Variants in SYNE2 observed in about 807,000 individuals in gnomAD.
The protein encoded by SYNE2 is spectrin repeat containing nuclear envelope protein 2, also known as nesprin-2.
Under a neutral mutation model 856.3 loss-of-function variants are expected in SYNE2, and 431 were observed. That is an observed-to-expected ratio of 0.50 (90% CI 0.47 to 0.55). The LOEUF is 0.55. SYNE2 is among the 20% of genes least tolerant of loss of function. The pLI, the probability that SYNE2 is intolerant of heterozygous loss-of-function variation, is 0.00. For synonymous variants in SYNE2, 2,923 were observed against 2,872.3 expected, an observed-to-expected ratio of 1.02 and a Z score of -0.56; for missense variants, 8,129 against 8,023.2, an observed-to-expected ratio of 1.01 and a Z score of -0.50.
At chr14:64,025,973 G>A (rs2096975123) in intron 41 of SYNE2, among the ~76,000 whole-genome samples, 1 of 151,834 alleles carries the variant, frequency 6.6e-6, no homozygotes, top group Non-Finnish European at 1.5e-5. Flanking sequence ...AAAATACAGG[G>A]GACAGAAGCA....
rs1312166837 is a variant in SYNE2, at chr14:64,120,955, A to G, written c.13052A>G (p.Glu4351Gly). The change falls in exon 68 of 116, where the codon GAG becomes GGG. Residue 4351 changes from glutamate to glycine, a missense_variant. Glu to Gly is a moderately conservative substitution (Grantham distance 98). This residue lies in a region of SYNE2 where 5,410 missense variants were observed against 5,284.8 expected (regional missense o/e 1.02). Transcript: ENST00000555002. ...CCTACCATTCTAAAGAAATCCTCAG[A>G]GCCAGAGCATCAAGAAGCTCTCCAA... ...QHPTILKKSSEPEHQEALQPV... is the reference protein window; with the variant it reads ...QHPTILKKSSGPEHQEALQPV... The G allele has an allele frequency of 6.2e-7, 1 of 1,614,166 alleles. No homozygotes were observed. Among genetic ancestry groups the G allele is most frequent in the Admixed American group, 1.7e-5 (1 of 60,014 alleles).
intron 7 of SYNE2, among the ~76,000 whole-genome samples, chr14:63,953,259 C>T (rs2096192069): frequency 6.6e-6 from 1 of 152,114 alleles, no homozygotes; most frequent in South Asian, 2.1e-4. Context: ...GGTGGTAAGG[C>T]AGGGCTTTGC....
At chr14:64,190,263 C>T (rs373229854) in intron 99 of SYNE2, 26 bp downstream of exon 99, 18 of 1,613,606 alleles carry the variant, frequency 1.1e-5, no homozygotes, top group African/African-American at 2.7e-5. Context: ...AAAATGATTA[C>T]TCTCCAGGAA....
In SYNE2 at chr14:64,175,008, A is replaced by T; in HGVS notation, c.17300A>T (p.Lys5767Met). Residue 5767 changes from lysine (K) to methionine (M), a missense_variant, in exon 95 of 116, where the codon AAG becomes ATG. By Grantham distance (95) the Lys-to-Met change is moderately conservative. Coordinates refer to ENST00000555002, the MANE Select transcript of SYNE2 (RefSeq NM_182914.3). ...TCALTLEAGE[K>M]LLLTTDLKTK... The stretch of plus-strand genomic sequence containing the variant: ...GCCCTAACCTTGGAAGCTGGAGAAA[A>T]GTTACTGCTCACAACTGACCTGAAA... The T allele has an allele frequency of 6.2e-7, 1 of 1,614,172 alleles. No homozygotes were observed. Among genetic ancestry groups the T allele is most frequent in the Non-Finnish European group, 8.5e-7 (1 of 1,180,028 alleles).
At chr14:63,942,958 A>G (rs1182777953) in intron 6 of SYNE2, among the ~76,000 whole-genome samples, 1 of 152,220 alleles carries the variant, frequency 6.6e-6, no homozygotes, top group African/African-American at 2.4e-5. Context: ...TGAAAGTTGA[A>G]TGCTGAATTA....
At position 64,134,091 on chromosome 14, in the gene SYNE2, A is replaced by G; in HGVS notation, c.14537A>G (p.Asn4846Ser). 1 of 1,614,110 alleles carries G rather than the reference A, an allele frequency of 6.2e-7. No homozygotes were observed. The highest frequency in any genetic ancestry group is 8.5e-7 in the Non-Finnish European group (1 of 1,179,986). ...TAGAAATGGGAAGAATTTGATGAAAACTATGCATCTCTTGAAAAGGACCTG... is the reference window on the plus strand; with the variant it reads ...TAGAAATGGGAAGAATTTGATGAAAGCTATGCATCTCTTGAAAAGGACCTG... ...LLQKWEEFDE[N>S]YASLEKDLEI... is the part of the protein sequence containing the mutation. The change falls in exon 78 of 116, where the codon AAC becomes AGC. Residue 4846 changes from asparagine (N) to serine (S), a missense_variant. By Grantham distance (46) the Asn-to-Ser change is conservative (BLOSUM62 1). Coordinates refer to ENST00000555002, the MANE Select transcript of SYNE2 (RefSeq NM_182914.3).
chr14:64,213,721 A>T (rs2098653044), intron 105 of SYNE2, among the ~76,000 whole-genome samples: 1 of 152,132 alleles, frequency 6.6e-6, no homozygotes, highest in East Asian at 1.9e-4. Flanking sequence ...ACTGAAAGAG[A>T]CGTTATGACA....
At chr14:63,808,926 G>A (rs1888497317) in intron 1 of SYNE2, among the ~76,000 whole-genome samples, 1 of 152,140 alleles carries the variant, frequency 6.6e-6, no homozygotes, top group African/African-American at 2.4e-5. Context: ...GGGAGGCTGA[G>A]GCAGGAGAAT....
chr14:64,158,382 A>C (rs1181728994), intron 85 of SYNE2, among the ~76,000 whole-genome samples: 2 of 152,162 alleles, frequency 1.3e-5, no homozygotes, highest in South Asian at 4.1e-4. Flanking sequence ...GTCTCTTCCT[A>C]GTCTGAACTC....
In SYNE2 at chr14:64,146,076, T is replaced by C; in HGVS notation, c.15492T>C (p.His5164=). Reference sequence around the variant, plus strand: ...TCTTTACATTCACTTAGATACAACATTTAGAACAACTTCTAGAAAGTATCA... The same window carrying C: ...TCTTTACATTCACTTAGATACAACACTTAGAACAACTTCTAGAAAGTATCA... ...VHGMLNRKIQ[H]LEQLLESITE... The change falls in exon 84 of 116, where the codon CAT becomes CAC. Residue 5164 remains histidine (H), a synonymous_variant. Transcript: ENST00000555002. 1 of 1,580,000 alleles carries C rather than the reference T, an allele frequency of 6.3e-7. No individual in the cohort carries two copies. The highest frequency in any genetic ancestry group is 8.6e-7 in the Non-Finnish European group (1 of 1,157,280).
chr14:64,152,517 GT>G (rs1378146213), intron 84 of SYNE2, 46 bp from the exon 85 acceptor site: 1 of 1,601,470 alleles, frequency 6.2e-7, no homozygotes, highest in Admixed American at 1.7e-5. Context: ...CTTATTAATT[GT>G]TTTGTAATAT....
intron 2 of SYNE2, among the ~76,000 whole-genome samples, chr14:63,930,285 C>CAAA (rs1328534376): frequency 1.5e-5 from 1 of 65,148 alleles, no homozygotes. Flanking sequence ...GACCCTGTCT[C>CAAA]AAAAAAAAAA....
chr14:64,057,073 T>G (rs2097276753), intron 49 of SYNE2, among the ~76,000 whole-genome samples: 1 of 152,204 alleles, frequency 6.6e-6, no homozygotes, highest in African/African-American at 2.4e-5. Flanking sequence ...AGTGTAATAA[T>G]TGCATCAGGG....
In SYNE2 at chr14:64,219,304, C is replaced by T. The variant is rs763585589; in HGVS notation, c.19754C>T (p.Ala6585Val). The T allele has an allele frequency of 1.9e-6, 3 of 1,613,830 alleles. No homozygotes were observed. In the African/African-American group the frequency reaches 4.0e-5, roughly 22 times the overall value. ...CAACAGCTGAACTCTGATATCAGCG[C>T]CATCACTACTTGGCTGAAAAAAACT... ...NLQQLNSDIS[A>V]ITTWLKKTEA... The change falls in exon 110 of 116, where the codon GCC becomes GTC. Residue 6585 changes from alanine to valine, a missense_variant. Ala to Val is a moderately conservative substitution (Grantham distance 64). Transcript: ENST00000555002.
In SYNE2 at chr14:64,087,677, T is replaced by G. The variant is rs913177797; in HGVS notation, c.11491T>G (p.Leu3831Val). ...SHHASTVQMA[L>V]EDSEQKHNLL... Reference sequence around the variant, plus strand: ...CCATTCTGTGTTTATCTAGATGGCTTTGGAAGATTCAGAACAGAAGCACAA... The same window carrying G: ...CCATTCTGTGTTTATCTAGATGGCTGTGGAAGATTCAGAACAGAAGCACAA... The change falls in exon 58 of 116, where the codon TTG becomes GTG. Residue 3831 changes from leucine to valine, a missense_variant. Physicochemically the swap from Leu to Val is conservative, Grantham distance 32. Coordinates refer to ENST00000555002, the MANE Select transcript of SYNE2 (RefSeq NM_182914.3). 6.2e-7 allele frequency: 1 copy of G among 1,614,060 alleles called. No individual in the cohort carries two copies. The highest frequency in any genetic ancestry group is 1.3e-5 in the African/African-American group (1 of 75,062).
chr14:64,049,521 A>C (rs1187529420), intron 46 of SYNE2, 90 bp from the exon 47 acceptor site: 1 of 1,325,986 alleles, frequency 7.5e-7, no homozygotes, highest in Non-Finnish European at 1.1e-6. Context: ...CCTGAGATAG[A>C]GTGTGTTATC....
chr14:64,063,329 C>T (rs976960865), intron 50 of SYNE2, among the ~76,000 whole-genome samples: 6 of 152,086 alleles, frequency 3.9e-5, no homozygotes, highest in Non-Finnish European at 8.8e-5. Context: ...ATTATAGGCG[C>T]GAGCCACTGC....
chr14:64,139,451 G>A (rs1340437521), intron 79 of SYNE2, among the ~76,000 whole-genome samples: 2 of 149,480 alleles, frequency 1.3e-5, no homozygotes, highest in Admixed American at 6.7e-5. Flanking sequence ...TTGCTCTGTC[G>A]CCCAGGCTGG....
rs934702849 is a variant in SYNE2 at position 64,102,274 on chromosome 14, G to C, written c.12492+232G>C. Among the ~76,000 whole-genome samples the C allele has an allele frequency of 2.0e-5, 3 of 152,018 alleles. No homozygotes were observed. In the East Asian group the frequency reaches 5.8e-4, roughly 29 times the overall value. Reference sequence around the variant, plus strand: ...TGGGATTACAGGCACACGTCACCACGCCCAGCTAATTTTTGTATTTGTAGT... The same window carrying C: ...TGGGATTACAGGCACACGTCACCACCCCCAGCTAATTTTTGTATTTGTAGT... On this transcript the variant is annotated intron_variant, in intron 64 of 115. Transcript: ENST00000555002.
Sources: allele counts gnomAD v4.1 joint callset (sites outside exome capture counted in the v4.1 genomes callset), GRCh38; gene constraint gnomAD v4.1.1; regional missense constraint gnomAD v4.1.1; transcripts MANE v1.5; gene names NCBI Gene and HGNC (gene_info 2026-07-23, HGNC 2026-07-21).